Variants in NGLY1 observed in about 807,000 individuals in gnomAD.
The protein encoded by NGLY1 is N-glycanase 1.
In NGLY1, 68 loss-of-function variants were observed where a neutral mutation model predicts 84.6. That is an observed-to-expected ratio of 0.80 (90% confidence interval 0.66 to 0.98). The LOEUF is 0.98. NGLY1 is among the 50% of genes least tolerant of loss of function. The probability of loss-of-function intolerance (pLI) is 0.00; values close to 1 mark genes in which losing one functional copy is unlikely to be tolerated. For synonymous variants in NGLY1, 280 were observed against 275.2 expected, an observed-to-expected ratio of 1.02 and a Z score of -0.17; for missense variants, 779 against 770.2, an observed-to-expected ratio of 1.01 and a Z score of -0.14.
intron 4 of NGLY1, among the ~76,000 whole-genome samples, 154 bp downstream of exon 4, chr3:25,750,944 C>T (rs377534773): frequency 6.6e-6 from 1 of 152,120 alleles, no homozygotes; most frequent in Admixed American, 6.5e-5. Flanking sequence ...GGTTTTGCAT[C>T]CTGTGAATCC....
At chr3:25,781,581 C>T (rs529158485) in intron 1 of NGLY1, among the ~76,000 whole-genome samples, 2 of 152,314 alleles carry the variant, frequency 1.3e-5, no homozygotes, top group Admixed American at 6.5e-5. Context: ...CTATCCTTTG[C>T]GCTCATTGTC....
rs116678099 is a variant in NGLY1 at position 25,754,180 on chromosome 3, C to T, written c.493-2917G>A. 5.0e-3 allele frequency among the ~76,000 whole-genome samples: 768 copies of T among 152,230 alleles called. 2 individuals are homozygous for T. The highest frequency in any genetic ancestry group is 8.1e-3 in the Admixed American group (124 of 15,292). Reference sequence around the variant, plus strand: ...TTACTCAAATTTTATCCTTTATTTGCTAGGTGCTGGGGATATAACGGTTAA... The same window carrying T: ...TTACTCAAATTTTATCCTTTATTTGTTAGGTGCTGGGGATATAACGGTTAA... On this transcript the variant is annotated intron_variant, in intron 3 of 11. Transcript: ENST00000280700.
chr3:25,787,788 T>C (rs1301684122), upstream of NGLY1, among the ~76,000 whole-genome samples: 1 of 152,208 alleles, frequency 6.6e-6, no homozygotes, highest in Non-Finnish European at 1.5e-5. Flanking sequence ...TGCCTTACTC[T>C]CATGCGTTTA....
At chr3:25,756,844 G>A (rs1707061368) in intron 3 of NGLY1, among the ~76,000 whole-genome samples, 1 of 152,182 alleles carries the variant, frequency 6.6e-6, no homozygotes. Flanking sequence ...GATGTGACTT[G>A]CATTTATGTG....
intron 2 of NGLY1, among the ~76,000 whole-genome samples, chr3:25,776,103 C>T (rs1028711931): frequency 2.0e-5 from 3 of 152,150 alleles, no homozygotes; most frequent in African/African-American, 7.2e-5. Flanking sequence ...CATATCAAAA[C>T]CTGTTAATCT....
intron 10 of NGLY1, among the ~76,000 whole-genome samples, chr3:25,728,628 GAAGA>G (rs1317253185): frequency 6.6e-6 from 1 of 152,022 alleles, no homozygotes; most frequent in African/African-American, 2.4e-5. Context: ...AAGATACAGA[GAAGA>G]AATAACCAAT....
chr3:25,785,593 G>A (rs1708585858), upstream of NGLY1, among the ~76,000 whole-genome samples: 1 of 151,518 alleles, frequency 6.6e-6, no homozygotes, highest in Non-Finnish European at 1.5e-5. Context: ...CAATACTTTG[G>A]GAGGCCGAGG....
upstream of NGLY1, among the ~76,000 whole-genome samples, chr3:25,786,231 G>C (rs1000529915): frequency 2.0e-5 from 3 of 151,990 alleles, no homozygotes; most frequent in African/African-American, 2.4e-5. Flanking sequence ...TGAGAGGCAG[G>C]AGAATCGCTT....
chr3:25,751,898 A>C (rs1706771368), intron 3 of NGLY1, among the ~76,000 whole-genome samples: 1 of 152,130 alleles, frequency 6.6e-6, no homozygotes, highest in African/African-American at 2.4e-5. Flanking sequence ...CTGAGCAGTA[A>C]GTGTGCATAC....
At chr3:25,733,832 A>T (rs114531387) in intron 8 of NGLY1, 40 bp downstream of exon 8, 1 of 1,422,014 alleles carries the variant, frequency 7.0e-7, no homozygotes, top group Non-Finnish European at 9.7e-7. Context: ...TTACATAAAA[A>T]ATGTCAACTG....
At chr3:25,789,755 T>C (rs1434727226) in intron 1 of NGLY1, 5 of 1,307,888 alleles carry the variant, frequency 3.8e-6, no homozygotes, top group Non-Finnish European at 5.4e-6. Flanking sequence ...TAATTCTTTC[T>C]TACAATTCCA....
At chr3:25,763,581 T>A (rs1039745724) in intron 3 of NGLY1, among the ~76,000 whole-genome samples, 1 of 152,230 alleles carries the variant, frequency 6.6e-6, no homozygotes, top group Admixed American at 6.5e-5. Flanking sequence ...GAGAAGAATA[T>A]GTAAGGACCT....
In NGLY1 at chr3:25,723,409, A is replaced by C. The variant is rs181072971; in HGVS notation, c.1612-3218T>G. 2.0e-5 allele frequency among the ~76,000 whole-genome samples: 3 copies of C among 152,340 alleles called. No homozygotes were observed. The East Asian group carries it at 5.8e-4, about 29-fold the overall frequency. On this transcript the variant is annotated intron_variant, in intron 10 of 11. Coordinates refer to ENST00000280700, the MANE Select transcript of NGLY1 (RefSeq NM_018297.4). ...TTATGTTAAAGAACAGTATATGGAG[A>C]TAAAACACCCTATTTATACAGAAAA... is the stretch of plus-strand genomic sequence containing the variant.
chr3:25,755,236 A>G, intron 3 of NGLY1: 1 of 1,373,056 alleles, frequency 7.3e-7, no homozygotes, highest in Non-Finnish European at 1.0e-6. Flanking sequence ...CCCCTTTGCC[A>G]CTGATTAAGC....
upstream of NGLY1, among the ~76,000 whole-genome samples, chr3:25,788,139 A>T (rs190526233): frequency 1.1e-3 from 161 of 152,274 alleles, 1 homozygote; most frequent in Non-Finnish European, 1.2e-3. Context: ...CCATACCTCT[A>T]CTCATTTTTG....
intron 10 of NGLY1, among the ~76,000 whole-genome samples, chr3:25,720,621 T>C (rs116160988): frequency 9.6e-4 from 147 of 152,336 alleles, no homozygotes; most frequent in African/African-American, 3.2e-3. Flanking sequence ...TGGTATGCTA[T>C]AGTCTCTAAA....
chr3:25,780,448 C>T (rs569214042), intron 1 of NGLY1, among the ~76,000 whole-genome samples: 32 of 152,290 alleles, frequency 2.1e-4, no homozygotes, highest in African/African-American at 7.0e-4. Context: ...TCAGTACCAC[C>T]AGGATGATAT....
chr3:25,778,573 C>A lies in NGLY1; in HGVS notation c.246+1G>T. 6.3e-7 allele frequency: 1 copy of A among 1,582,158 alleles called. No individual in the cohort carries two copies. Among genetic ancestry groups the A allele is most frequent in the South Asian group, 1.1e-5 (1 of 87,960 alleles). On this transcript the variant is annotated splice_donor_variant, in intron 2 of 11. Transcript: ENST00000280700. LOFTEE classifies it high-confidence loss of function. ...GAGAGGAAATCCTTGAACATACTTA[C>A]CTCTTCAAAGCCCATTTCAAATAAA...
At chr3:25,719,798 G>C (rs2125442269) in intron 11 of NGLY1, among the ~76,000 whole-genome samples, 163 bp from the exon 12 acceptor site, 1 of 151,726 alleles carries the variant, frequency 6.6e-6, no homozygotes, top group Middle Eastern at 3.4e-3. Context: ...TTGAAACAAA[G>C]AAATGATTTT....
Sources: gnomAD v4.1 joint callset for allele counts (sites outside exome capture counted in the v4.1 genomes callset) on GRCh38, gnomAD v4.1.1 for gene constraint, MANE v1.5 for transcripts, NCBI Gene and HGNC (gene_info 2026-07-23, HGNC 2026-07-21) for gene names.